TMEM63B: variants seen among roughly 807,000 people sequenced by gnomAD.
TMEM63B encodes the protein transmembrane protein 63B, also known as mechanosensitive cation channel TMEM63B.
A neutral mutation model predicts 102.6 loss-of-function variants in TMEM63B; 23 were observed. The observed-to-expected ratio is 0.22, with a 90% CI of 0.16 to 0.32. The LOEUF (loss-of-function observed/expected upper bound fraction) is 0.32, where lower values mean the gene tolerates loss of function less well. TMEM63B is among the 10% of genes least tolerant of loss of function. The probability of loss-of-function intolerance (pLI) is 1.00; values close to 1 mark genes in which losing one functional copy is unlikely to be tolerated. For missense variants in TMEM63B, 628 were observed against 1,095.9 expected (o/e 0.57, Z 6.03); for synonymous variants, 444 against 437.0 (o/e 1.02, Z -0.20).
At chr6:44,132,733 G>A (rs1762200187) in intron 1 of TMEM63B, among the ~76,000 whole-genome samples, 1 of 150,882 alleles carries the variant, frequency 6.6e-6, no homozygotes, top group African/African-American at 2.5e-5. Context: ...GCTCCTCCTG[G>A]ACACAGGTCC....
At chr6:44,134,846 G>C in intron 2 of TMEM63B, 103 bp downstream of exon 2, 2 of 1,531,042 alleles carry the variant, frequency 1.3e-6, no homozygotes, top group Non-Finnish European at 1.8e-6. Flanking sequence ...GGTTTCCCAG[G>C]CTTAAGCAGG....
In TMEM63B at chr6:44,135,162, A is replaced by G. The variant is rs1762666451; in HGVS notation, c.239+66A>G. On this transcript the variant is annotated intron_variant, in intron 3 of 23. Transcript: ENST00000323267. ...ATCTTGTTCCACACTCCTCAGGAAT[A>G]GGAAGGAGCCAGCCCTCTCTCATTC... 20 of 1,597,276 alleles carry G rather than the reference A, an allele frequency of 1.3e-5. No individual in the cohort carries two copies. The South Asian group carries it at 2.2e-4, about 18-fold the overall frequency.
At position 44,139,688 on chromosome 6, in the gene TMEM63B, T is replaced by C. The variant is rs1763834692; in HGVS notation, c.551-20T>C. The C allele has an allele frequency of 1.2e-6, 2 of 1,613,986 alleles. No individual in the cohort carries two copies. Among genetic ancestry groups the C allele is most frequent in the Non-Finnish European group, 1.7e-6 (2 of 1,180,026 alleles). The stretch of plus-strand genomic sequence containing the variant: ...GTGCCCTGACCCCACCATCATCCTC[T>C]CCCTCTTCCCACCCCACAGAGAACA... On this transcript the variant is annotated intron_variant, in intron 7 of 23. Transcript: ENST00000323267.
chr6:44,150,247 T>G lies in TMEM63B; in HGVS notation c.1544T>G (p.Met515Arg). ...AGCTCTGGGGAGAACAGGACAACCA[T>G]GCACAAGTGCTACACTTTCCTCATC... Reference protein sequence around the residue: ...WTRSGENRTTMHKCYTFLIFM... With the variant: ...WTRSGENRTTRHKCYTFLIFM... The change falls in exon 17 of 24, where the codon ATG becomes AGG. Residue 515 changes from methionine (M) to arginine (R), a missense_variant. Coordinates refer to ENST00000323267, the MANE Select transcript of TMEM63B (RefSeq NM_018426.3). This position sits in a 1 kb window ranked among gnomAD's most constrained non-coding sequence, Gnocchi z 4.7. 6.2e-7 allele frequency: 1 copy of G among 1,614,082 alleles called. No individual in the cohort carries two copies. Among genetic ancestry groups the G allele is most frequent in the Non-Finnish European group, 8.5e-7 (1 of 1,180,024 alleles).
At chr6:44,133,492 TCCCCCAGGGAC>T (rs1762334625) in intron 1 of TMEM63B, among the ~76,000 whole-genome samples, 2 of 151,962 alleles carry the variant, frequency 1.3e-5, no homozygotes, top group Admixed American at 1.3e-4. Flanking sequence ...AGCAGAAGGG[TCCCCCAGGGAC>T]CCCCCAGTAA....
At chr6:44,138,432 C>G in intron 5 of TMEM63B, 48 bp from the exon 6 acceptor site, 1 of 1,612,982 alleles carries the variant, frequency 6.2e-7, no homozygotes, top group Non-Finnish European at 8.5e-7. Flanking sequence ...GAGAGAGGTT[C>G]GGGTTGGTGG....
rs758939706 is a variant in TMEM63B at position 44,148,672 on chromosome 6, C to T, written c.1259+22C>T. ...ACTGGTGAGCAAACAGGTGTCAGGG[C>T]AGGCTTTCCAGGGCCTGGGATGGGC... On this transcript the variant is annotated intron_variant, in intron 14 of 23. Transcript: ENST00000323267. This position sits in a 1 kb window ranked among gnomAD's most constrained non-coding sequence, Gnocchi z 5.1. The T allele has an allele frequency of 1.9e-6, 3 of 1,612,644 alleles. No individual in the cohort carries two copies. The Admixed American group carries it at 5.0e-5, about 27-fold the overall frequency.
chr6:44,128,463 G>A (rs544510576), intron 1 of TMEM63B, among the ~76,000 whole-genome samples: 1 of 152,374 alleles, frequency 6.6e-6, no homozygotes, highest in African/African-American at 2.4e-5. Flanking sequence ...TGTCTTGACC[G>A]CCTAAGGCGG....
At chr6:44,142,398 C>T (rs796950297) in intron 10 of TMEM63B, among the ~76,000 whole-genome samples, 9 of 151,894 alleles carry the variant, frequency 5.9e-5, no homozygotes, top group South Asian at 2.1e-4. Context: ...GGCATGGTGG[C>T]GCGTACCAGT....
chr6:44,138,867 A>G (rs1009629372), intron 6 of TMEM63B: 9 of 327,198 alleles, frequency 2.8e-5, no homozygotes, highest in Non-Finnish European at 4.7e-5. Context: ...GGCAGAACTC[A>G]GGAGATCCAG....
At position 44,150,363 on chromosome 6, in the gene TMEM63B, G is replaced by C; in HGVS notation, c.1607+53G>C. ...CAGGGTAGGGGGACAGCAGGATAGG[G>C]AGAGGAGAGCAGTTCAGCCTCCCTA... On this transcript the variant is annotated intron_variant, in intron 17 of 23. Transcript: ENST00000323267. The surrounding 1 kb of genome is among the most constrained non-coding windows in gnomAD (Gnocchi z 4.7). 1 of 1,573,374 alleles carries C rather than the reference G, an allele frequency of 6.4e-7. No individual in the cohort carries two copies. The highest frequency in any genetic ancestry group is 1.1e-5 in the South Asian group (1 of 90,288).
At chr6:44,134,923 C>T in intron 2 of TMEM63B, 94 bp from the exon 3 acceptor site, 1 of 1,533,774 alleles carries the variant, frequency 6.5e-7, no homozygotes, top group Non-Finnish European at 8.9e-7. Context: ...TCATCCCCTT[C>T]TAAGACAAGA....
At chr6:44,136,272 C>G in intron 4 of TMEM63B, 77 bp from the exon 5 acceptor site, 1 of 1,198,164 alleles carries the variant, frequency 8.3e-7, no homozygotes, top group Non-Finnish European at 1.2e-6. Context: ...AGCCCTGGAG[C>G]TCTGGAGCAC....
At chr6:44,138,631 A>C (rs910917838) in intron 6 of TMEM63B, 114 bp downstream of exon 6, 1 of 1,236,158 alleles carries the variant, frequency 8.1e-7, no homozygotes, top group Non-Finnish European at 1.2e-6. Context: ...TCGCCAGCAC[A>C]GCACCCTCCT....
Position 44,144,763 on chromosome 6 carries a change from A to AT in TMEM63B, c.783-2075dup, listed in dbSNP as rs1369926293. 2.1e-3 allele frequency among the ~76,000 whole-genome samples: 321 copies of AT among 149,900 alleles called. 3 individuals carry two copies. Among genetic ancestry groups the AT allele is most frequent in the African/African-American group, 7.5e-3 (304 of 40,778 alleles). ...AGGCACTCACCACCACACCTGGCTA[A>AT]TTTTTTTTTCTTTTTTTAGAGACAG... On this transcript the variant is annotated intron_variant, in intron 10 of 23. Coordinates refer to ENST00000323267, the MANE Select transcript of TMEM63B (RefSeq NM_018426.3).
chr6:44,134,379 A>G, intron 1 of TMEM63B, 182 bp from the exon 2 acceptor site: 1 of 595,182 alleles, frequency 1.7e-6, no homozygotes, highest in South Asian at 2.4e-5. Context: ...CCAGAGAGCC[A>G]GTGAAGGTAA....
rs528855338 is a variant in TMEM63B, at chr6:44,152,044, G to C, written c.1836+36G>C. 1 of 1,552,804 alleles carries C rather than the reference G, an allele frequency of 6.4e-7. No individual in the cohort carries two copies. The highest frequency in any genetic ancestry group is 8.7e-7 in the Non-Finnish European group (1 of 1,153,092). On this transcript the variant is annotated intron_variant, in intron 19 of 23. Coordinates refer to ENST00000323267, the MANE Select transcript of TMEM63B (RefSeq NM_018426.3). The surrounding 1 kb of genome is among the most constrained non-coding windows in gnomAD (Gnocchi z 6.4). The stretch of plus-strand genomic sequence containing the variant: ...CTGGGGCAGCAGCGGCCCGCACAGC[G>C]CCCCCTGGTGGCCCAACAAGAAACA...
At chr6:44,142,709 G>A (rs1764550973) in intron 10 of TMEM63B, among the ~76,000 whole-genome samples, 1 of 151,970 alleles carries the variant, frequency 6.6e-6, no homozygotes, top group South Asian at 2.1e-4. Context: ...GACTGAGGTT[G>A]AGATTTGGGC....
Position 44,155,025 on chromosome 6 carries a change from T to A in TMEM63B, c.*142T>A. 2 of 798,766 alleles carry A rather than the reference T, an allele frequency of 2.5e-6. No homozygotes were observed. The highest frequency in any genetic ancestry group is 3.6e-6 in the Non-Finnish European group (2 of 559,728). 49.5% of individuals were successfully genotyped at this position (798,766 alleles called of 1,614,324 possible). A position where few individuals can be genotyped will look rare whatever the true frequency, so the allele number is the denominator to read the frequency against. ...CATTAAGGTATTTAAACTTGGGGGT[T>A]TCACTGCTCTCCCCCATGATGGAGG... On this transcript the variant is annotated 3_prime_UTR_variant, in exon 24 of 24. Coordinates refer to ENST00000323267, the MANE Select transcript of TMEM63B (RefSeq NM_018426.3).
Sources: gnomAD v4.1 joint callset for allele counts (sites outside exome capture counted in the v4.1 genomes callset) on GRCh38, gnomAD v4.1.1 for gene constraint, Gnocchi (gnomAD v3.1) non-coding constraint, MANE v1.5 for transcripts, NCBI Gene and HGNC (gene_info 2026-07-23, HGNC 2026-07-21) for gene names.